Variants in GAD1 observed in about 807,000 individuals in gnomAD.
The protein encoded by GAD1 is glutamate decarboxylase 1.
GAD1 carries 35 observed loss-of-function variants against 75.2 expected under a neutral mutation model. That is an observed-to-expected ratio of 0.47 (90% CI 0.36 to 0.62). GAD1 has a LOEUF of 0.62. Ranked by LOEUF, GAD1 falls within the 20% of genes least tolerant of loss-of-function variation. The pLI, the probability that GAD1 is intolerant of heterozygous loss-of-function variation, is 0.00. For missense variants in GAD1, 490 were observed against 758.5 expected (o/e 0.65, Z 4.16); for synonymous variants, 257 against 271.9 (o/e 0.95, Z 0.54).
In GAD1 at chr2:170,853,789, C is replaced by A. The variant is rs1702795903; in HGVS notation, c.1264-84C>A. ...GAAAGATTGCATATGACCCCAAGCC[C>A]CTCCTTCCAAGCAGCCTAGTTTTAA... On this transcript the variant is annotated intron_variant, in intron 13 of 16. Transcript: ENST00000358196. The surrounding 1 kb of genome is among the most constrained non-coding windows in gnomAD (Gnocchi z 4.1). 1.4e-6 allele frequency: 2 copies of A among 1,392,734 alleles called. No homozygotes were observed. Among genetic ancestry groups the A allele is most frequent in the East Asian group, 4.6e-5 (2 of 43,770 alleles). The allele number at this position is 1,392,734 out of a possible 1,614,324, so 86.3% of individuals were successfully genotyped here.
Position 170,846,079 on chromosome 2 carries a change from T to G in GAD1, c.1002+16T>G, listed in dbSNP as rs374357444. ...CAAACAGAAGGTATGTACTCCGTGGTGCATCTGAACTCCAGTTTTAAAATA... is the reference window on the plus strand; with the variant it reads ...CAAACAGAAGGTATGTACTCCGTGGGGCATCTGAACTCCAGTTTTAAAATA... On this transcript the variant is annotated intron_variant, in intron 10 of 16. Transcript: ENST00000358196. 6.8e-6 allele frequency: 11 copies of G among 1,606,666 alleles called. No homozygotes were observed. In the African/African-American group the frequency reaches 1.2e-4, roughly 18 times the overall value.
intron 5 of GAD1, among the ~76,000 whole-genome samples, chr2:170,833,287 C>T (rs1702288748): frequency 6.6e-6 from 1 of 152,220 alleles, no homozygotes; most frequent in East Asian, 1.9e-4. Flanking sequence ...TCCCAGAGAG[C>T]TGCTGAGGTC....
In GAD1 at chr2:170,816,951, G is replaced by A. The variant is rs886055096; in HGVS notation, c.-161G>A. The stretch of plus-strand genomic sequence containing the variant: ...GAACGAGGAAGCAGCTGGAGGTGAC[G>A]CCGGGCAGATTACGCCTGTCAGGGC... On this transcript the variant is annotated 5_prime_UTR_variant, in exon 1 of 17. Transcript: ENST00000358196. 1.4e-4 allele frequency: 27 copies of A among 194,290 alleles called. No homozygotes were observed. The highest frequency in any genetic ancestry group is 6.8e-4 in the Admixed American group (11 of 16,262). 12.0% of individuals were successfully genotyped at this position (194,290 alleles called of 1,614,324 possible).
chr2:170,821,187 G>T (rs917581633), intron 2 of GAD1, among the ~76,000 whole-genome samples: 5 of 152,180 alleles, frequency 3.3e-5, no homozygotes, highest in Non-Finnish European at 7.4e-5. Flanking sequence ...AGGGGATTTC[G>T]TGCTGGGCTC....
chr2:170,817,622 A>G (rs1233749368), intron 1 of GAD1: 1 of 152,320 alleles, frequency 6.6e-6, no homozygotes, highest in African/African-American at 2.4e-5. Context: ...CAGCGCCGAG[A>G]GTCGAGCAGG....
chr2:170,836,669 GC>G (rs1401189689), intron 5 of GAD1, 123 bp from the exon 6 acceptor site: 10 of 737,476 alleles, frequency 1.4e-5, no homozygotes, highest in Non-Finnish European at 2.2e-5. Context: ...TCCTTGAGCA[GC>G]CTTATTCGAC....
At chr2:170,859,447 T>C (rs1159585346) in intron 16 of GAD1, among the ~76,000 whole-genome samples, 1 of 152,146 alleles carries the variant, frequency 6.6e-6, no homozygotes, top group Non-Finnish European at 1.5e-5. Flanking sequence ...CTATAAGAGT[T>C]TTTTGGTTTT....
At chr2:170,854,486 C>T (rs1336915191) in intron 14 of GAD1, among the ~76,000 whole-genome samples, 1 of 150,704 alleles carries the variant, frequency 6.6e-6, no homozygotes, top group Non-Finnish European at 1.5e-5. Flanking sequence ...CTGCAAGCTC[C>T]GCCTCCCAGG....
chr2:170,849,637 C>G (rs937272441), intron 12 of GAD1, among the ~76,000 whole-genome samples: 3 of 152,150 alleles, frequency 2.0e-5, no homozygotes, highest in Admixed American at 6.5e-5. Context: ...TCATTTGAGC[C>G]CAAGAGTTCG....
chr2:170,815,750 G>C (rs971098013), upstream of GAD1, among the ~76,000 whole-genome samples: 1 of 152,216 alleles, frequency 6.6e-6, no homozygotes, highest in Non-Finnish European at 1.5e-5. Context: ...GAAGAAAGGG[G>C]AGAACTTAAA....
intron 10 of GAD1, among the ~76,000 whole-genome samples, chr2:170,847,069 C>T (rs1702648785): frequency 6.6e-6 from 1 of 152,160 alleles, no homozygotes; most frequent in Non-Finnish European, 1.5e-5. Context: ...TTACTCTACT[C>T]CTTCGTTTAT....
chr2:170,852,925 T>C, intron 13 of GAD1, 133 bp downstream of exon 13: 1 of 769,504 alleles, frequency 1.3e-6, no homozygotes, highest in Non-Finnish European at 2.3e-6. Flanking sequence ...AGACTACTGC[T>C]GCTGTCCTTT....
intron 6 of GAD1, among the ~76,000 whole-genome samples, chr2:170,838,186 G>A (rs1399022208): frequency 6.6e-6 from 1 of 152,172 alleles, no homozygotes; most frequent in African/African-American, 2.4e-5. Context: ...CTAAAACGAT[G>A]TTCATGCTCC....
intron 5 of GAD1, among the ~76,000 whole-genome samples, chr2:170,834,012 AAGAGAGAG>A (rs766849940): frequency 2.0e-5 from 3 of 151,096 alleles, no homozygotes; most frequent in Non-Finnish European, 4.4e-5. Context: ...AAAAAAAAAA[AAGAGAGAG>A]AGAGAGAGAA....
At chr2:170,823,674 C>T (rs1018724408) in intron 3 of GAD1, among the ~76,000 whole-genome samples, 3 of 151,626 alleles carry the variant, frequency 2.0e-5, no homozygotes, top group Admixed American at 6.6e-5. Context: ...CCCACCCTGC[C>T]GCCATTCTGG....
intron 3 of GAD1, among the ~76,000 whole-genome samples, chr2:170,827,018 A>G (rs1702041650): frequency 6.6e-6 from 1 of 152,142 alleles, no homozygotes; most frequent in Admixed American, 6.5e-5. Context: ...GTGGAGCTCT[A>G]TTATAGTGTA....
chr2:170,816,066 T>TC (rs1559263658), upstream of GAD1: 1 of 128,770 alleles, frequency 7.8e-6, no homozygotes, highest in African/African-American at 4.1e-5. Context: ...GTCCGCCCCT[T>TC]CCGGGCACCT....
rs181870696 is a variant in GAD1 at position 170,854,732 on chromosome 2, A to G, written c.1413+710A>G. On this transcript the variant is annotated intron_variant, in intron 14 of 16. Coordinates refer to ENST00000358196, the MANE Select transcript of GAD1 (RefSeq NM_000817.3). ...TTGAATTCTTTTATGAGGCTTCTCA[A>G]CATGGGCTATGTATGACAGTTTTAA... 3.6e-3 allele frequency among the ~76,000 whole-genome samples: 541 copies of G among 152,330 alleles called. 4 individuals carry two copies. The highest frequency in any genetic ancestry group is 5.9e-3 in the Non-Finnish European group (399 of 68,030).
chr2:170,817,912 T>TAGA, intron 1 of GAD1: 1 of 152,214 alleles, frequency 6.6e-6, no homozygotes, highest in Non-Finnish European at 1.5e-5. Flanking sequence ...ACTGTGGTTC[T>TAGA]TCTCTGGCCA....
Sources: gnomAD v4.1 joint callset for allele counts (sites outside exome capture counted in the v4.1 genomes callset) on GRCh38, gnomAD v4.1.1 for gene constraint, Gnocchi (gnomAD v3.1) non-coding constraint, MANE v1.5 for transcripts, NCBI Gene and HGNC (gene_info 2026-07-23, HGNC 2026-07-21) for gene names.